Variants in ANKIB1 observed in about 807,000 individuals in gnomAD.
ANKIB1 encodes the protein ankyrin repeat and IBR domain containing 1, also known as ankyrin repeat and IBR domain-containing protein 1.
Under a neutral mutation model 122.1 loss-of-function variants are expected in ANKIB1, and 43 were observed. That is an observed-to-expected ratio of 0.35 (90% CI 0.28 to 0.45). ANKIB1 has a LOEUF of 0.45. ANKIB1 is among the 20% of genes least tolerant of loss of function. ANKIB1 has a pLI of 1.00. For synonymous variants in ANKIB1, 390 were observed against 442.0 expected, an observed-to-expected ratio of 0.88 and a Z score of 1.48; for missense variants, 992 against 1,329.5, an observed-to-expected ratio of 0.75 and a Z score of 3.95.
chr7:92,348,057 T>C (rs536559820), intron 7 of ANKIB1: 31 of 419,408 alleles, frequency 7.4e-5, no homozygotes, highest in Admixed American at 1.5e-4. Context: ...GTGACACTTA[T>C]CAACTCCATG....
At chr7:92,390,560 T>C (rs1242340163) in intron 15 of ANKIB1, among the ~76,000 whole-genome samples, 1 of 152,250 alleles carries the variant, frequency 6.6e-6, no homozygotes, top group Non-Finnish European at 1.5e-5. Flanking sequence ...CCAATTGGCA[T>C]CACTATAGCC....
At chr7:92,391,632 A>G (rs1025808070) in intron 16 of ANKIB1, among the ~76,000 whole-genome samples, 1 of 152,124 alleles carries the variant, frequency 6.6e-6, no homozygotes, top group Non-Finnish European at 1.5e-5. Flanking sequence ...ATTCTAATGT[A>G]TCATTTCAAA....
intron 10 of ANKIB1, 88 bp downstream of exon 10, chr7:92,362,361 A>G: frequency 4.0e-6 from 5 of 1,243,824 alleles, no homozygotes; most frequent in Non-Finnish European, 5.7e-6. Context: ...TCTTTATTTA[A>G]GAGGTTTTCA....
intron 15 of ANKIB1, among the ~76,000 whole-genome samples, chr7:92,390,667 A>T (rs1165285658): frequency 6.6e-6 from 1 of 152,190 alleles, no homozygotes; most frequent in African/African-American, 2.4e-5. Flanking sequence ...CTGCTAATTT[A>T]TATCCTACAT....
chr7:92,383,377 C>T (rs1158478722), intron 11 of ANKIB1, among the ~76,000 whole-genome samples: 1 of 152,136 alleles, frequency 6.6e-6, no homozygotes, highest in Non-Finnish European at 1.5e-5. Context: ...GGGAATCCTC[C>T]CTAACTCATT....
intron 1 of ANKIB1, among the ~76,000 whole-genome samples, chr7:92,293,344 TTTG>T (rs1239512500): frequency 6.6e-6 from 1 of 152,128 alleles, no homozygotes; most frequent in East Asian, 1.9e-4. Flanking sequence ...TTCACCTGTG[TTTG>T]TTGTTGTTAT....
At chr7:92,313,892 G>A (rs369257577) in intron 3 of ANKIB1, among the ~76,000 whole-genome samples, 6 of 152,254 alleles carry the variant, frequency 3.9e-5, no homozygotes, top group African/African-American at 1.2e-4. Context: ...GAAGTATTTT[G>A]TGGAAGAGTA....
chr7:92,266,853 G>A (rs1801681777), intron 1 of ANKIB1, among the ~76,000 whole-genome samples: 3 of 152,218 alleles, frequency 2.0e-5, no homozygotes, highest in African/African-American at 7.2e-5. Context: ...CCTTTCTCCT[G>A]TGGTGTCCCT....
rs1421189231 is a variant in ANKIB1 at position 92,399,409 on chromosome 7, CTT to C, written c.*462_*463del. 1 of 151,964 alleles carries C rather than the reference CTT, an allele frequency of 6.6e-6. No homozygotes were observed. The highest frequency in any genetic ancestry group is 1.5e-5 in the Non-Finnish European group (1 of 68,062). The allele number at this position is 151,964 out of a possible 1,614,324, so 9.4% of individuals were successfully genotyped here. A position where few individuals can be genotyped will look rare whatever the true frequency, so the allele number is the denominator to read the frequency against. The stretch of plus-strand genomic sequence containing the variant: ...CCGATAACATATATGTCCTCAATCT[CTT>C]TGTGCTCTTCCATAACTTACTTCCT... On this transcript the variant is annotated 3_prime_UTR_variant, in exon 20 of 20. Transcript: ENST00000265742.
chr7:92,331,597 C>T (rs1331084600), intron 5 of ANKIB1, among the ~76,000 whole-genome samples: 1 of 152,002 alleles, frequency 6.6e-6, no homozygotes, highest in South Asian at 2.1e-4. Flanking sequence ...CTGAGGTTGT[C>T]CTGGGGATTA....
Position 92,283,204 on chromosome 7 carries a change from A to G in ANKIB1, c.-90-11685A>G, listed in dbSNP as rs138978086. Among the ~76,000 whole-genome samples, 749 of 152,254 alleles carry G rather than the reference A, an allele frequency of 4.9e-3. 9 individuals are homozygous for G. The highest frequency in any genetic ancestry group is 0.017 in the African/African-American group (698 of 41,538). On this transcript the variant is annotated intron_variant, in intron 1 of 19. Transcript: ENST00000265742. ...ATAATACTTTTGTGTTTATGTAGCC[A>G]TTTTATTTGGAATGCTGCCATGTTA...
chr7:92,248,450 G>A (rs73407593), intron 1 of ANKIB1, among the ~76,000 whole-genome samples: 5,183 of 152,224 alleles, frequency 0.034, 256 homozygotes, highest in African/African-American at 0.11. Context: ...ACTTGTGAAA[G>A]TGAAATATGT....
At chr7:92,320,277 T>C (rs1207416451) in intron 4 of ANKIB1, among the ~76,000 whole-genome samples, 3 of 152,180 alleles carry the variant, frequency 2.0e-5, no homozygotes, top group Admixed American at 6.6e-5. Flanking sequence ...TTCCTCACTT[T>C]CCATTCACTC....
intron 1 of ANKIB1, among the ~76,000 whole-genome samples, chr7:92,267,414 TATC>T (rs1380726721): frequency 6.6e-6 from 1 of 152,218 alleles, no homozygotes; most frequent in African/African-American, 2.4e-5. Context: ...GAGTGACTAT[TATC>T]ATGACTTCAG....
intron 5 of ANKIB1, among the ~76,000 whole-genome samples, chr7:92,340,725 A>G (rs1450294956): frequency 6.6e-6 from 1 of 152,232 alleles, no homozygotes; most frequent in African/African-American, 2.4e-5. Context: ...TGATTTGGAA[A>G]CAATATTAGC....
intron 3 of ANKIB1, among the ~76,000 whole-genome samples, chr7:92,317,626 G>T (rs1044284900): frequency 6.6e-6 from 1 of 152,088 alleles, no homozygotes; most frequent in Non-Finnish European, 1.5e-5. Flanking sequence ...CATACCTCTG[G>T]CTAGAGCAAG....
chr7:92,338,104 G>A (rs955197178), intron 5 of ANKIB1, among the ~76,000 whole-genome samples: 5 of 152,064 alleles, frequency 3.3e-5, no homozygotes, highest in African/African-American at 1.2e-4. Context: ...AAAAGGGCTT[G>A]GCCCTACATA....
At chr7:92,325,142 G>A (rs1803001118) in intron 4 of ANKIB1, among the ~76,000 whole-genome samples, 1 of 152,192 alleles carries the variant, frequency 6.6e-6, no homozygotes, top group South Asian at 2.1e-4. Context: ...GAGCAGGACT[G>A]TGTGACTACA....
At position 92,400,983 on chromosome 7, in the gene ANKIB1, G is replaced by A. The variant is rs564927933; in HGVS notation, c.*2034G>A. ...CATCTTGCACAGCTGCAGTTAAGGTGAGAAAGAATGCTCTGTGTGAAGACA... is the reference window on the plus strand; with the variant it reads ...CATCTTGCACAGCTGCAGTTAAGGTAAGAAAGAATGCTCTGTGTGAAGACA... On this transcript the variant is annotated 3_prime_UTR_variant, in exon 20 of 20. Transcript: ENST00000265742. The A allele has an allele frequency of 7.2e-5, 11 of 152,318 alleles. No homozygotes were observed. Among genetic ancestry groups the A allele is most frequent in the Admixed American group, 5.9e-4 (9 of 15,296 alleles). The allele number at this position is 152,318 out of a possible 1,614,324, so 9.4% of individuals were successfully genotyped here.
Sources: gnomAD v4.1 joint callset for allele counts (sites outside exome capture counted in the v4.1 genomes callset) on GRCh38, gnomAD v4.1.1 for gene constraint, MANE v1.5 for transcripts, NCBI Gene and HGNC (gene_info 2026-07-23, HGNC 2026-07-21) for gene names.